Variants in ARMC9 observed in about 807,000 individuals in gnomAD.
ARMC9 encodes the protein armadillo repeat containing 9, also known as lisH domain-containing protein ARMC9.
Under a neutral mutation model 107.0 loss-of-function variants are expected in ARMC9, and 94 were observed. The ratio of observed to expected loss-of-function variants is 0.88; its 90% CI spans 0.74 to 1.04. The LOEUF is 1.04. ARMC9 is among the 50% of genes least tolerant of loss of function. The probability of loss-of-function intolerance (pLI) is 0.00; values close to 1 mark genes in which losing one functional copy is unlikely to be tolerated. For synonymous variants in ARMC9, 380 were observed against 396.9 expected, an observed-to-expected ratio of 0.96 and a Z score of 0.51; for missense variants, 942 against 1,030.1, an observed-to-expected ratio of 0.91 and a Z score of 1.17.
Position 231,292,200 on chromosome 2 carries a change from G to C in ARMC9, c.1717+757G>C, listed in dbSNP as rs116303408. Among the ~76,000 whole-genome samples, 783 of 150,746 alleles carry C rather than the reference G, an allele frequency of 5.2e-3. 7 individuals carry two copies. Among genetic ancestry groups the C allele is most frequent in the African/African-American group, 0.018 (738 of 41,092 alleles). ...AAAAAAAAAAAAGTTCCGCCAGGTA[G>C]TCAAGGCCAGATTGTCCAAAGATTA... On this transcript the variant is annotated intron_variant, in intron 18 of 24. Transcript: ENST00000611582.
intron 3 of ARMC9, among the ~76,000 whole-genome samples, chr2:231,213,000 T>A (rs2125317846): frequency 6.6e-6 from 1 of 152,304 alleles, no homozygotes; most frequent in African/African-American, 2.4e-5. Flanking sequence ...ATTTGAGGAT[T>A]CCTTACCAAT....
chr2:231,327,421 A>G (rs2043401262), intron 19 of ARMC9, among the ~76,000 whole-genome samples: 1 of 152,198 alleles, frequency 6.6e-6, no homozygotes, highest in Admixed American at 6.5e-5. Flanking sequence ...AATGTTATAG[A>G]AATGGAATCA....
chr2:231,246,721 G>A (rs959687584), intron 9 of ARMC9, among the ~76,000 whole-genome samples: 2 of 152,124 alleles, frequency 1.3e-5, no homozygotes, highest in Non-Finnish European at 2.9e-5. Context: ...GTATAGAATT[G>A]CTGGGTCAAA....
chr2:231,214,827 A>G lies in ARMC9; in HGVS notation c.178-4A>G. On this transcript the variant is annotated splice_polypyrimidine_tract_variant and splice_region_variant and intron_variant, in intron 3 of 24. Coordinates refer to ENST00000611582, the MANE Select transcript of ARMC9 (RefSeq NM_001352754.2). ...AGGTATGTAGTCTGATGTCTTCTCCACAGAAGGATCTTGTCGCTGCATTTG... is the reference window on the plus strand; with the variant it reads ...AGGTATGTAGTCTGATGTCTTCTCCGCAGAAGGATCTTGTCGCTGCATTTG... The G allele has an allele frequency of 5.6e-6, 9 of 1,613,718 alleles. No individual in the cohort carries two copies. The highest frequency in any genetic ancestry group is 7.6e-6 in the Non-Finnish European group (9 of 1,179,768).
chr2:231,325,410 G>A (rs1442896862), intron 19 of ARMC9, among the ~76,000 whole-genome samples: 2 of 152,164 alleles, frequency 1.3e-5, no homozygotes, highest in African/African-American at 2.4e-5. Context: ...CATTGACTAT[G>A]TGTTTCTCGT....
intron 9 of ARMC9, among the ~76,000 whole-genome samples, chr2:231,244,570 A>T (rs1038507857): frequency 4.6e-5 from 7 of 152,074 alleles, no homozygotes; most frequent in African/African-American, 1.7e-4. Context: ...AGGTCTCACT[A>T]TGTTGCCCAG....
intron 9 of ARMC9, among the ~76,000 whole-genome samples, chr2:231,247,864 G>T (rs896814772): frequency 2.0e-5 from 3 of 152,240 alleles, no homozygotes; most frequent in African/African-American, 7.2e-5. Context: ...CTGGGAGGCA[G>T]AGGTTGCAGT....
chr2:231,256,368 G>GT, intron 9 of ARMC9: 5 of 1,366,230 alleles, frequency 3.7e-6, no homozygotes, highest in Non-Finnish European at 5.1e-6. Context: ...GGAATGGTCT[G>GT]TCACAGTCTG....
intron 17 of ARMC9, among the ~76,000 whole-genome samples, chr2:231,290,835 A>G (rs2040935974): frequency 6.6e-6 from 1 of 152,120 alleles, no homozygotes; most frequent in Non-Finnish European, 1.5e-5. Flanking sequence ...ATTTGGCCCT[A>G]AAATCCAGAA....
In ARMC9 at chr2:231,276,585, T is replaced by C. The variant is rs113182550; in HGVS notation, c.1335-51T>C. On this transcript the variant is annotated intron_variant, in intron 14 of 24. Coordinates refer to ENST00000611582, the MANE Select transcript of ARMC9 (RefSeq NM_001352754.2). ...GCTTCCAGCCTACTGTTTCCTCTTATATGAAAAGTTTCTTGGCAGTTTGTA... is the reference window on the plus strand; with the variant it reads ...GCTTCCAGCCTACTGTTTCCTCTTACATGAAAAGTTTCTTGGCAGTTTGTA... 1.2e-5 allele frequency: 20 copies of C among 1,611,106 alleles called. No homozygotes were observed. The African/African-American group carries it at 1.7e-4, about 14-fold the overall frequency.
At chr2:231,222,920 C>A in intron 6 of ARMC9, 100 bp downstream of exon 6, 1 of 697,326 alleles carries the variant, frequency 1.4e-6, no homozygotes, top group South Asian at 2.1e-5. Context: ...CTCATTAAAT[C>A]GGGATAATTA....
At position 231,373,598 on chromosome 2, in the gene ARMC9, T is replaced by G. The variant is rs145901343; in HGVS notation, c.*2063T>G. ...GAAGTGGGGAGTATCCAACTTAGGG[T>G]CAAAATACACTGAGATTAGGCCGGG... On this transcript the variant is annotated 3_prime_UTR_variant, in exon 25 of 25. Transcript: ENST00000611582. This position sits in a 1 kb window ranked among gnomAD's most constrained non-coding sequence, Gnocchi z 4.4. The G allele has an allele frequency of 6.6e-6, 1 of 152,154 alleles. No individual in the cohort carries two copies. Among genetic ancestry groups the G allele is most frequent in the Non-Finnish European group, 1.5e-5 (1 of 68,044 alleles). 9.4% of individuals were successfully genotyped at this position (152,154 alleles called of 1,614,324 possible).
Position 231,375,348 on chromosome 2 carries a change from C to T in ARMC9, c.*3813C>T, listed in dbSNP as rs1459345421. Among the ~76,000 whole-genome samples the T allele has an allele frequency of 6.6e-6, 1 of 152,178 alleles. No individual in the cohort carries two copies. The highest frequency in any genetic ancestry group is 2.4e-5 in the African/African-American group (1 of 41,432). On this transcript the variant is annotated 3_prime_UTR_variant, in exon 25 of 25. Transcript: ENST00000611582. The surrounding 1 kb of genome is among the most constrained non-coding windows in gnomAD (Gnocchi z 4.3). ...AGTCTCATATCACGTTCACTATTCT[C>T]CCATTGTCCAAAGCAGACCACATGG...
chr2:231,214,113 G>C (rs1400595945), intron 3 of ARMC9, among the ~76,000 whole-genome samples: 1 of 152,218 alleles, frequency 6.6e-6, no homozygotes, highest in Non-Finnish European at 1.5e-5. Flanking sequence ...ACTAGTGCAT[G>C]CTGAATCATG....
rs188937060 is a variant in ARMC9, at chr2:231,246,882, T to A, written c.879+6841T>A. Among the ~76,000 whole-genome samples the A allele has an allele frequency of 1.0e-3, 157 of 152,168 alleles. 1 individual carries two copies. Among genetic ancestry groups the A allele is most frequent in the African/African-American group, 3.4e-3 (142 of 41,502 alleles). On this transcript the variant is annotated intron_variant, in intron 9 of 24. Transcript: ENST00000611582. ...GCCCAGGCTCACTGCAGCTTCGACC[T>A]CCTGGGCTCAGGTGCTCCTCCCACC...
chr2:231,353,858 C>G (rs2045211519), intron 21 of ARMC9, among the ~76,000 whole-genome samples: 1 of 152,074 alleles, frequency 6.6e-6, no homozygotes, highest in Admixed American at 6.6e-5. Flanking sequence ...CAGAGCCCCC[C>G]AGGACACCCT....
intron 5 of ARMC9, among the ~76,000 whole-genome samples, chr2:231,222,013 G>A (rs1324382321): frequency 6.6e-6 from 1 of 152,070 alleles, no homozygotes; most frequent in Non-Finnish European, 1.5e-5. Flanking sequence ...CATCTAAGAG[G>A]ATGGTGGGTA....
chr2:231,310,469 G>A (rs892302494), intron 19 of ARMC9, among the ~76,000 whole-genome samples: 6 of 144,612 alleles, frequency 4.1e-5, no homozygotes, highest in Non-Finnish European at 7.5e-5. Context: ...AATGGCTCAC[G>A]CCTGTAATCC....
intron 17 of ARMC9, among the ~76,000 whole-genome samples, chr2:231,283,299 A>G (rs180956900): frequency 6.6e-6 from 1 of 152,326 alleles, no homozygotes; most frequent in Non-Finnish European, 1.5e-5. Flanking sequence ...TAATGAAGAC[A>G]TGGTGAAAAA....
Sources: gnomAD v4.1 joint callset for allele counts (sites outside exome capture counted in the v4.1 genomes callset) on GRCh38, gnomAD v4.1.1 for gene constraint, Gnocchi (gnomAD v3.1) non-coding constraint, MANE v1.5 for transcripts, NCBI Gene and HGNC (gene_info 2026-07-23, HGNC 2026-07-21) for gene names.